GLIS3: variants seen among roughly 807,000 people sequenced by gnomAD.
The protein encoded by GLIS3 is GLIS family zinc finger 3.
GLIS3 carries 53 observed loss-of-function variants against 78.6 expected under a neutral mutation model. The ratio of observed to expected loss-of-function variants is 0.67; its 90% CI spans 0.54 to 0.85. The LOEUF (loss-of-function observed/expected upper bound fraction) is 0.85. Among genes scored for constraint, GLIS3 ranks in the 40% least tolerant of loss-of-function variants. The pLI, the probability that GLIS3 is intolerant of heterozygous loss-of-function variation, is 0.00. For missense variants in GLIS3, 1,703 were observed against 1,231.1 expected, an observed-to-expected ratio of 1.38 and a Z score of -5.74; for synonymous variants, 684 against 509.9, an observed-to-expected ratio of 1.34 and a Z score of -4.60.
At chr9:4,121,351 T>C (rs1408102531) in intron 3 of GLIS3, among the ~76,000 whole-genome samples, 3 of 152,190 alleles carry the variant, frequency 2.0e-5, no homozygotes, top group African/African-American at 7.2e-5. Flanking sequence ...CTTCAATAAA[T>C]TTCAAAGTCT....
intron 4 of GLIS3, among the ~76,000 whole-genome samples, chr9:4,077,074 C>T (rs10814829): frequency 0.28 from 41,911 of 148,138 alleles, 6,681 homozygotes; most frequent in East Asian, 0.35. Context: ...ACAATAACAA[C>T]GATGATGTCC....
At chr9:4,105,608 G>T (rs117355415) in intron 4 of GLIS3, among the ~76,000 whole-genome samples, 2,125 of 152,228 alleles carry the variant, frequency 0.014, 20 homozygotes, top group Non-Finnish European at 0.023. Context: ...GATTTACCAA[G>T]ATCTATTTTC....
the GLIS3 span, among the ~76,000 whole-genome samples, chr9:4,355,984 T>C: frequency 6.6e-6 from 1 of 152,224 alleles, no homozygotes; most frequent in Non-Finnish European, 1.5e-5. Context: ...ACTTCAGTTC[T>C]GTGTGTTCTA....
intron 2 of GLIS3, among the ~76,000 whole-genome samples, chr9:4,240,428 T>TAC (rs1488729231): frequency 5.9e-5 from 9 of 152,124 alleles, no homozygotes; most frequent in Non-Finnish European, 1.3e-4. Flanking sequence ...CCTAACAGGC[T>TAC]ACGGACCAGC....
chr9:4,122,180 G>C (rs1264273577), intron 3 of GLIS3, among the ~76,000 whole-genome samples: 1 of 152,210 alleles, frequency 6.6e-6, no homozygotes, highest in Non-Finnish European at 1.5e-5. Flanking sequence ...GAGCATGAGA[G>C]GCATGATGAC....
intron 2 of GLIS3, among the ~76,000 whole-genome samples, chr9:4,137,494 A>C (rs1833486276): frequency 6.6e-6 from 1 of 152,222 alleles, no homozygotes; most frequent in African/African-American, 2.4e-5. Flanking sequence ...AAGAGATTAA[A>C]ATGTATCATA....
At chr9:3,921,453 G>A (rs1232036738) in intron 6 of GLIS3, among the ~76,000 whole-genome samples, 1 of 152,184 alleles carries the variant, frequency 6.6e-6, no homozygotes, top group South Asian at 2.1e-4. Context: ...GTCAGGCACA[G>A]TTCCAAAGCC....
At chr9:4,266,418 C>T (rs773034812) in intron 2 of GLIS3, among the ~76,000 whole-genome samples, 8 of 152,082 alleles carry the variant, frequency 5.3e-5, no homozygotes, top group Non-Finnish European at 8.8e-5. Flanking sequence ...AAACCCAGCT[C>T]CAGACAAAAG....
At chr9:3,917,752 T>C (rs1317736446) in intron 6 of GLIS3, among the ~76,000 whole-genome samples, 1 of 152,174 alleles carries the variant, frequency 6.6e-6, no homozygotes, top group Non-Finnish European at 1.5e-5. Flanking sequence ...CAACCCCATA[T>C]TCCTATTGAA....
rs1165118711 is a variant in GLIS3 at position 3,932,309 on chromosome 9, GA to G, written c.1983+50del. ...CCTGCAGAAGCTTCGTGTACTACAA[GA>G]ATAATCTGAACATGCTTTTCCCGAC... On this transcript the variant is annotated intron_variant, in intron 6 of 10. Transcript: ENST00000381971. 2.9e-6 allele frequency: 4 copies of G among 1,399,724 alleles called. No homozygotes were observed. The East Asian group carries it at 9.2e-5, about 32-fold the overall frequency. The allele number at this position is 1,399,724 out of a possible 1,614,324, so 86.7% of individuals were successfully genotyped here.
chr9:3,836,855 C>A (rs1165153250), intron 9 of GLIS3, among the ~76,000 whole-genome samples: 2 of 152,176 alleles, frequency 1.3e-5, no homozygotes, highest in African/African-American at 4.8e-5. Flanking sequence ...TTCTGCTGTT[C>A]GTCTTCTTCT....
chr9:4,308,232 A>G (rs1199947482), intron 4 of GLIS3, among the ~76,000 whole-genome samples: 1 of 152,060 alleles, frequency 6.6e-6, no homozygotes, highest in African/African-American at 2.4e-5. Flanking sequence ...AAGTGAAAGG[A>G]CCCACAGCCC....
At chr9:3,919,679 A>G (rs1824745832) in intron 6 of GLIS3, among the ~76,000 whole-genome samples, 1 of 151,620 alleles carries the variant, frequency 6.6e-6, no homozygotes. Flanking sequence ...AAAAAAAAAT[A>G]ATAAAATGAA....
chr9:4,160,040 G>A (rs1012335876), intron 2 of GLIS3, among the ~76,000 whole-genome samples: 12 of 152,108 alleles, frequency 7.9e-5, no homozygotes, highest in African/African-American at 2.7e-4. Context: ...TAATGCAAAC[G>A]AACTTTTCCA....
intron 4 of GLIS3, among the ~76,000 whole-genome samples, chr9:3,983,412 G>C (rs1233934802): frequency 6.6e-6 from 1 of 152,144 alleles, no homozygotes; most frequent in African/African-American, 2.4e-5. Flanking sequence ...TACCAGCAGA[G>C]GGGGGCACTA....
intron 4 of GLIS3, among the ~76,000 whole-genome samples, chr9:4,036,822 A>T (rs1393466500): frequency 2.6e-5 from 4 of 152,200 alleles, no homozygotes; most frequent in Non-Finnish European, 5.9e-5. Context: ...TGGAGGACTC[A>T]TTCTTGATGC....
intron 8 of GLIS3, among the ~76,000 whole-genome samples, chr9:3,867,518 C>T (rs1292234221): frequency 1.3e-5 from 2 of 152,192 alleles, no homozygotes; most frequent in Non-Finnish European, 2.9e-5. Flanking sequence ...CCATTCTACC[C>T]TGGAATAAAC....
chr9:4,485,517 A>G, the GLIS3 span, among the ~76,000 whole-genome samples: 1 of 152,172 alleles, frequency 6.6e-6, no homozygotes, highest in Non-Finnish European at 1.5e-5. Context: ...AGTTATTCTT[A>G]AAAACTCCAG....
intron 4 of GLIS3, among the ~76,000 whole-genome samples, chr9:4,079,898 G>T (rs1372019071): frequency 6.6e-6 from 1 of 151,860 alleles, no homozygotes; most frequent in East Asian, 1.9e-4. Context: ...AAAAAAAAGG[G>T]AAGAAAATAG....
Sources: allele counts gnomAD v4.1 joint callset (sites outside exome capture counted in the v4.1 genomes callset), GRCh38; gene constraint gnomAD v4.1.1; transcripts MANE v1.5; gene names NCBI Gene and HGNC (gene_info 2026-07-23, HGNC 2026-07-21).